The following ANO3 variants were observed in gnomAD, a reference collection of about 807,000 sequenced individuals.
The protein encoded by ANO3 is anoctamin-3.
In ANO3, 99 loss-of-function variants were observed where a neutral mutation model predicts 144.8. The observed-to-expected ratio is 0.68, with a 90% CI of 0.58 to 0.81. ANO3 has a LOEUF of 0.81. Among genes scored for constraint, ANO3 ranks in the 30% least tolerant of loss-of-function variants. The pLI is 0.00. For synonymous variants in ANO3, 414 were observed against 392.6 expected (o/e 1.05, Z -0.64); for missense variants, 905 against 1,202.2 (o/e 0.75, Z 3.66).
chr11:26,579,131 A>G (rs1174805364), intron 14 of ANO3, among the ~76,000 whole-genome samples: 1 of 152,246 alleles, frequency 6.6e-6, no homozygotes, highest in African/African-American at 2.4e-5. Flanking sequence ...TGATAATATT[A>G]TAACTTATCT....
intron 24 of ANO3, 131 bp from the exon 25 acceptor site, chr11:26,655,994 C>A (rs1853675201): frequency 1.4e-6 from 1 of 693,498 alleles, no homozygotes; most frequent in Non-Finnish European, 2.4e-6. Flanking sequence ...AATAAAAGAG[C>A]TTGGTTGCTA....
intron 1 of ANO3, among the ~76,000 whole-genome samples, chr11:26,274,457 G>A (rs536823137): frequency 2.6e-4 from 40 of 151,970 alleles, no homozygotes; most frequent in Admixed American, 8.5e-4. Flanking sequence ...CTACCCACTC[G>A]TGTTGGCTAC....
At position 26,189,202 on chromosome 11, in the gene ANO3, AT is replaced by A. The variant is rs1295697130; in HGVS notation, c.27del (p.Asp9GlufsTer23). 1 of 985,206 alleles carries A rather than the reference AT, an allele frequency of 1.0e-6. No homozygotes were observed. Among genetic ancestry groups the A allele is most frequent in the African/African-American group, 1.7e-5 (1 of 57,224 alleles). The allele number at this position is 985,206 out of a possible 1,614,324, so 61.0% of individuals were successfully genotyped here. A position where few individuals can be genotyped will look rare whatever the true frequency, so the allele number is the denominator to read the frequency against. On this transcript the variant is annotated frameshift_variant, in exon 1 of 28. Transcript: ENST00000672621. LOFTEE classifies it high-confidence loss of function. ...ATGTCAGTTTTAAAATTTGAACTGG[AT>A]AATTTTTCTCCTGAAGGCTTCAGAC...
intron 11 of ANO3, 29 bp downstream of exon 11, chr11:26,542,097 C>A (rs1390560386): frequency 1.2e-6 from 2 of 1,600,804 alleles, no homozygotes; most frequent in African/African-American, 1.3e-5. Context: ...TAATGAAAAG[C>A]AAAGTATTCT....
At chr11:26,204,370 G>A (rs1290071511) in intron 1 of ANO3, among the ~76,000 whole-genome samples, 1 of 152,064 alleles carries the variant, frequency 6.6e-6, no homozygotes, top group Non-Finnish European at 1.5e-5. Context: ...GAAGGGCAAG[G>A]AGCTAAGTAG....
intron 7 of ANO3, among the ~76,000 whole-genome samples, chr11:26,529,468 A>G (rs1383003006): frequency 1.8e-5 from 2 of 112,290 alleles, no homozygotes; most frequent in African/African-American, 7.1e-5. Flanking sequence ...ATATTATATA[A>G]TAATCATATA....
At chr11:26,440,438 TA>T in intron 1 of ANO3, among the ~76,000 whole-genome samples, 6 of 152,244 alleles carry the variant, frequency 3.9e-5, no homozygotes, top group Admixed American at 3.9e-4. Flanking sequence ...TGTTAAAAGC[TA>T]AATTCTTTTT....
intron 1 of ANO3, among the ~76,000 whole-genome samples, chr11:26,373,212 A>T (rs772239247): frequency 2.6e-5 from 4 of 152,158 alleles, no homozygotes; most frequent in Non-Finnish European, 5.9e-5. Flanking sequence ...ATCTCCACCT[A>T]AATTTCATCT....
intron 1 of ANO3, among the ~76,000 whole-genome samples, chr11:26,416,692 T>G (rs1857598567): frequency 6.6e-6 from 1 of 152,012 alleles, no homozygotes; most frequent in Non-Finnish European, 1.5e-5. Context: ...CCCAATAGTT[T>G]TAGTTTTTTC....
intron 1 of ANO3, among the ~76,000 whole-genome samples, chr11:26,265,036 AT>A (rs1455701027): frequency 2.0e-5 from 3 of 152,132 alleles, no homozygotes; most frequent in African/African-American, 7.2e-5. Flanking sequence ...AAAATCAAGA[AT>A]AAAAAAGATG....
At chr11:26,581,581 T>C (rs1381721194) in intron 14 of ANO3, among the ~76,000 whole-genome samples, 1 of 147,400 alleles carries the variant, frequency 6.8e-6, no homozygotes, top group African/African-American at 2.5e-5. Flanking sequence ...CCCAGCTATG[T>C]GGGAGGCTGA....
intron 1 of ANO3, among the ~76,000 whole-genome samples, chr11:26,438,325 T>A (rs185696554): frequency 6.6e-6 from 1 of 152,078 alleles, no homozygotes; most frequent in Non-Finnish European, 1.5e-5. Flanking sequence ...AACTTCTGCT[T>A]TTTAGAAGAC....
chr11:26,203,334 T>C (rs1851733786), intron 1 of ANO3, among the ~76,000 whole-genome samples: 1 of 152,156 alleles, frequency 6.6e-6, no homozygotes, highest in South Asian at 2.1e-4. Context: ...GCTACCTTTT[T>C]AGTGCTTTTT....
chr11:26,330,509 T>A (rs938792654), upstream of ANO3, among the ~76,000 whole-genome samples: 3 of 152,138 alleles, frequency 2.0e-5, no homozygotes, highest in Non-Finnish European at 4.4e-5. Flanking sequence ...ACCATTATGA[T>A]ACATTAAAGA....
intron 3 of ANO3, among the ~76,000 whole-genome samples, chr11:26,461,057 A>G (rs530816773): frequency 4.1e-4 from 63 of 152,100 alleles, no homozygotes; most frequent in African/African-American, 1.4e-3. Flanking sequence ...CTAATAACCA[A>G]TGGTGAAAAT....
At chr11:26,563,283 T>A (rs1393682949) in intron 14 of ANO3, 5 of 1,573,204 alleles carry the variant, frequency 3.2e-6, no homozygotes, top group Non-Finnish European at 4.3e-6. Flanking sequence ...ACAAAAAAAA[T>A]TTAAAGAAAT....
intron 1 of ANO3, among the ~76,000 whole-genome samples, chr11:26,351,004 A>G (rs1855631990): frequency 6.6e-6 from 1 of 152,184 alleles, no homozygotes; most frequent in South Asian, 2.1e-4. Flanking sequence ...TGAGCTGTAC[A>G]GTGTTGTCAG....
chr11:26,575,704 A>C (rs1850968392), intron 14 of ANO3, among the ~76,000 whole-genome samples: 1 of 152,236 alleles, frequency 6.6e-6, no homozygotes, highest in Non-Finnish European at 1.5e-5. Flanking sequence ...TCATTTTCAA[A>C]ACCACTGACA....
chr11:26,563,197 G>A, intron 14 of ANO3: 1 of 1,612,430 alleles, frequency 6.2e-7, no homozygotes, highest in East Asian at 2.2e-5. Flanking sequence ...TAGCCCACAA[G>A]AGTAAGCAAT....
Sources: gnomAD v4.1 joint callset for allele counts (sites outside exome capture counted in the v4.1 genomes callset) on GRCh38, gnomAD v4.1.1 for gene constraint, MANE v1.5 for transcripts, NCBI Gene and HGNC (gene_info 2026-07-23, HGNC 2026-07-21) for gene names.